Variants in PPM1K observed in about 807,000 individuals in gnomAD.
The protein encoded by PPM1K is protein phosphatase Mn(2+)-dependent 1K.
A neutral mutation model predicts 32.6 loss-of-function variants in PPM1K; 19 were observed. The observed-to-expected ratio is 0.58, with a 90% CI of 0.41 to 0.86. PPM1K has a LOEUF of 0.86. PPM1K is among the 40% of genes least tolerant of loss of function. The pLI is 0.00. For synonymous variants in PPM1K, 159 were observed against 165.3 expected (o/e 0.96, Z 0.29); for missense variants, 362 against 461.2 (o/e 0.78, Z 1.97).
intron 1 of PPM1K, among the ~76,000 whole-genome samples, chr4:88,282,725 G>T (rs151134168): frequency 3.0e-4 from 45 of 152,358 alleles, no homozygotes; most frequent in Non-Finnish European, 5.1e-4. Context: ...ATGTTCAGAT[G>T]TGTGACTGGA....
intron 6 of PPM1K, among the ~76,000 whole-genome samples, chr4:88,264,698 ATACAG>A (rs1353775167): frequency 6.6e-6 from 1 of 152,242 alleles, no homozygotes; most frequent in African/African-American, 2.4e-5. Flanking sequence ...TGTACAATAC[ATACAG>A]TAATGAGCTA....
At position 88,277,226 on chromosome 4, in the gene PPM1K, T is replaced by C; in HGVS notation, c.458A>G (p.Glu153Gly). Residue 153 changes from glutamate to glycine, a missense_variant, in exon 3 of 7, where the codon GAG (glutamate) becomes GGG (glycine). Transcript: ENST00000608933. ...EKCIMDLLPK[E>G]KNLETLLTLA... is the part of the protein sequence containing the mutation. ...GGTCAACAGAGTTTCCAAGTTCTTC[T>C]CCTTAGGAAGCAAATCCCTTTGTGG... 6.2e-7 allele frequency: 1 copy of C among 1,613,720 alleles called. No individual in the cohort carries two copies. The highest frequency in any genetic ancestry group is 1.1e-5 in the South Asian group (1 of 91,072).
intron 3 of PPM1K, among the ~76,000 whole-genome samples, chr4:88,269,221 C>T (rs1731459304): frequency 6.6e-6 from 1 of 152,142 alleles, no homozygotes; most frequent in Non-Finnish European, 1.5e-5. Flanking sequence ...ATAACAACAC[C>T]TTCATGGATA....
rs1730964525 is a variant in PPM1K at position 88,257,888 on chromosome 4, T to G, written c.*4707A>C. ...GTACTAGAATCCAACAGCAAATGAGTCATTCTTGGAAGTGGAAGAACTCCA... is the reference window on the plus strand; with the variant it reads ...GTACTAGAATCCAACAGCAAATGAGGCATTCTTGGAAGTGGAAGAACTCCA... On this transcript the variant is annotated 3_prime_UTR_variant, in exon 7 of 7. Coordinates refer to ENST00000608933, the MANE Select transcript of PPM1K (RefSeq NM_152542.5). The G allele has an allele frequency of 6.6e-6, 1 of 152,096 alleles. No individual in the cohort carries two copies. The highest frequency in any genetic ancestry group is 1.5e-5 in the Non-Finnish European group (1 of 68,026). The allele number at this position is 152,096 out of a possible 1,614,324, so 9.4% of individuals were successfully genotyped here. A position where few individuals can be genotyped will look rare whatever the true frequency, so the allele number is the denominator to read the frequency against.
intron 3 of PPM1K, chr4:88,276,664 A>G: frequency 3.0e-6 from 3 of 985,114 alleles, no homozygotes; most frequent in Non-Finnish European, 3.6e-6. Context: ...CATATTAACC[A>G]TTGTCTTTTT....
chr4:88,261,114 T>G lies in PPM1K; in HGVS notation c.*1481A>C, dbSNP rs1284659450. On this transcript the variant is annotated 3_prime_UTR_variant, in exon 7 of 7. Transcript: ENST00000608933. ...TCACACATATAACAAATTTACATAG[T>G]TTGCAGAAATAAACTACGGAAATAA... is the stretch of plus-strand genomic sequence containing the variant. 2.6e-5 allele frequency: 4 copies of G among 152,192 alleles called. No homozygotes were observed. Among genetic ancestry groups the G allele is most frequent in the African/African-American group, 9.7e-5 (4 of 41,446 alleles). The allele number at this position is 152,192 out of a possible 1,614,324, so 9.4% of individuals were successfully genotyped here.
At chr4:88,271,970 GCT>G (rs943056190) in intron 3 of PPM1K, among the ~76,000 whole-genome samples, 26 of 152,150 alleles carry the variant, frequency 1.7e-4, no homozygotes, top group Admixed American at 1.6e-3. Flanking sequence ...TATTTCTGCA[GCT>G]CTCTCTTTCC....
chr4:88,270,972 C>T (rs953312763), intron 3 of PPM1K: 1 of 369,176 alleles, frequency 2.7e-6, no homozygotes, highest in East Asian at 7.0e-5. Flanking sequence ...AAAACTAAGA[C>T]ATCTTTCAAT....
chr4:88,269,163 T>C (rs1202054277), intron 3 of PPM1K, among the ~76,000 whole-genome samples: 1 of 152,242 alleles, frequency 6.6e-6, no homozygotes, highest in Non-Finnish European at 1.5e-5. Flanking sequence ...ACTGCATCAC[T>C]ATCTACAAAT....
At chr4:88,274,686 A>G (rs1731692368) in intron 3 of PPM1K, among the ~76,000 whole-genome samples, 2 of 152,354 alleles carry the variant, frequency 1.3e-5, no homozygotes, top group Admixed American at 6.5e-5. Context: ...GCTAAAAACT[A>G]AAGTTTTAAA....
chr4:88,273,332 A>C (rs1731635406), intron 3 of PPM1K, among the ~76,000 whole-genome samples: 1 of 152,262 alleles, frequency 6.6e-6, no homozygotes. Context: ...CTGCAAACAT[A>C]AATAAGCAAG....
chr4:88,278,212 T>C lies in PPM1K; in HGVS notation c.372A>G (p.Ala124=). 1 of 1,614,200 alleles carries C rather than the reference T, an allele frequency of 6.2e-7. No homozygotes were observed. ...CAGGTCCACCGTGTCCATCATACAC[T>C]GCAAAGTACAGGACCTCATCTGTCA... The part of the protein sequence containing the change: ...AQLTDEVLYF[A]VYDGHGGPAA... Residue 124 remains alanine, a synonymous_variant, in exon 2 of 7, where the codon GCA becomes GCG. Transcript: ENST00000608933. This position sits in a 1 kb window ranked among gnomAD's most constrained non-coding sequence, Gnocchi z 4.2.
Position 88,266,936 on chromosome 4 carries a change from CTG to C in PPM1K, c.852+1252_852+1253del, listed in dbSNP as rs1165543318. Among the ~76,000 whole-genome samples the C allele has an allele frequency of 3.2e-5, 4 of 125,024 alleles. No individual in the cohort carries two copies. In the Admixed American group the frequency reaches 3.4e-4, roughly 11 times the overall value. The allele number at this position is 125,024 out of a possible 152,430, so 82.0% of individuals were successfully genotyped here. ...ATTGGGTGCAGGTGGTGCTGGTTGA[CTG>C]GGTGCAGGTGCTGCTGATTGGGTGC... On this transcript the variant is annotated intron_variant, in intron 5 of 6. Coordinates refer to ENST00000608933, the MANE Select transcript of PPM1K (RefSeq NM_152542.5).
intron 5 of PPM1K, 21 bp downstream of exon 5, chr4:88,268,169 T>C: frequency 1.2e-6 from 2 of 1,613,024 alleles, no homozygotes; most frequent in Non-Finnish European, 1.7e-6. Flanking sequence ...GTTTATCAAG[T>C]GTTTGCAGGT....
intron 6 of PPM1K, among the ~76,000 whole-genome samples, chr4:88,264,761 T>G (rs1731242273): frequency 6.6e-6 from 1 of 152,244 alleles, no homozygotes; most frequent in African/African-American, 2.4e-5. Flanking sequence ...ATTAGTTTAC[T>G]ATTATAATTT....
chr4:88,280,225 G>A (rs1207582755), intron 1 of PPM1K, among the ~76,000 whole-genome samples: 3 of 152,020 alleles, frequency 2.0e-5, no homozygotes, highest in African/African-American at 4.8e-5. Context: ...ACAGGCATGC[G>A]CCACAGAGAC....
At chr4:88,283,210 G>T (rs2110177639) in intron 1 of PPM1K, among the ~76,000 whole-genome samples, 1 of 152,266 alleles carries the variant, frequency 6.6e-6, no homozygotes, top group Non-Finnish European at 1.5e-5. Context: ...GACCACTCAG[G>T]ATCAAGAGAT....
chr4:88,276,815 G>A (rs1467484743), intron 3 of PPM1K: 7 of 1,019,064 alleles, frequency 6.9e-6, no homozygotes, highest in African/African-American at 1.7e-5. Flanking sequence ...AAAACTCATA[G>A]TATGGACATT....
intron 3 of PPM1K, among the ~76,000 whole-genome samples, chr4:88,269,344 T>G (rs1435915030): frequency 6.6e-6 from 1 of 152,228 alleles, no homozygotes; most frequent in Non-Finnish European, 1.5e-5. Context: ...AGTCTATGGA[T>G]TTAGAAGGTT....
Sources: gnomAD v4.1 joint callset for allele counts (sites outside exome capture counted in the v4.1 genomes callset) on GRCh38, gnomAD v4.1.1 for gene constraint, Gnocchi (gnomAD v3.1) non-coding constraint, MANE v1.5 for transcripts, NCBI Gene and HGNC (gene_info 2026-07-23, HGNC 2026-07-21) for gene names.